Variants in CACNA2D1 observed in about 807,000 individuals in gnomAD.
The protein encoded by CACNA2D1 is calcium voltage-gated channel auxiliary subunit alpha2delta 1.
CACNA2D1 carries 53 observed loss-of-function variants against 171.5 expected under a neutral mutation model. The ratio of observed to expected loss-of-function variants is 0.31; its 90% CI spans 0.25 to 0.39. The LOEUF is 0.39. CACNA2D1 is among the 10% of genes least tolerant of loss of function. The pLI is 1.00. For missense variants in CACNA2D1, 903 were observed against 1,299.8 expected (o/e 0.69, Z 4.69); for synonymous variants, 442 against 443.1 (o/e 1.00, Z 0.03).
At chr7:82,100,334 A>C (rs1316175808) in intron 6 of CACNA2D1, among the ~76,000 whole-genome samples, 2 of 152,124 alleles carry the variant, frequency 1.3e-5, no homozygotes, top group Non-Finnish European at 2.9e-5. Context: ...TATTTCATAT[A>C]AAGTTTTTTA....
intron 7 of CACNA2D1, among the ~76,000 whole-genome samples, chr7:82,078,615 C>G (rs1420016344): frequency 2.0e-5 from 3 of 152,164 alleles, no homozygotes; most frequent in Admixed American, 6.5e-5. Flanking sequence ...ATGTCATGAG[C>G]TAGCTGTATG....
chr7:82,068,948 T>G (rs1807987996), intron 7 of CACNA2D1, among the ~76,000 whole-genome samples: 1 of 152,004 alleles, frequency 6.6e-6, no homozygotes, highest in Admixed American at 6.5e-5. Context: ...AGCCAGACTA[T>G]TACATTTTAA....
intron 2 of CACNA2D1, among the ~76,000 whole-genome samples, chr7:82,343,833 G>A (rs1194072016): frequency 2.6e-5 from 4 of 152,136 alleles, no homozygotes; most frequent in Non-Finnish European, 4.4e-5. Context: ...GGCTGAGTGA[G>A]CTGCCTGTTT....
At chr7:82,062,950 T>C (rs1807136748) in intron 9 of CACNA2D1, among the ~76,000 whole-genome samples, 1 of 151,916 alleles carries the variant, frequency 6.6e-6, no homozygotes. Flanking sequence ...TATTGCTTTG[T>C]TGCTCAGGCT....
intron 2 of CACNA2D1, among the ~76,000 whole-genome samples, chr7:82,341,208 T>A (rs2129444953): frequency 6.6e-6 from 1 of 152,314 alleles, no homozygotes; most frequent in Non-Finnish European, 1.5e-5. Flanking sequence ...CTTTCAAGGA[T>A]CAAAGTTCCC....
intron 3 of CACNA2D1, among the ~76,000 whole-genome samples, chr7:82,260,154 A>G (rs38563): frequency 0.75 from 113,269 of 152,028 alleles, 43,354 homozygotes; most frequent in African/African-American, 0.92. Context: ...CCCAGGAGGC[A>G]GAGGTTTCAC....
chr7:82,353,032 T>C (rs1820033507), intron 1 of CACNA2D1, among the ~76,000 whole-genome samples: 2 of 152,186 alleles, frequency 1.3e-5, no homozygotes, highest in African/African-American at 2.4e-5. Flanking sequence ...AAAAAGATCA[T>C]GTAAATGTAT....
chr7:82,031,535 C>T (rs1802698877), intron 12 of CACNA2D1, among the ~76,000 whole-genome samples: 1 of 151,840 alleles, frequency 6.6e-6, no homozygotes, highest in South Asian at 2.1e-4. Context: ...AAGATGTACC[C>T]TTAAACCTTA....
chr7:82,233,330 T>C (rs766348992), intron 3 of CACNA2D1, among the ~76,000 whole-genome samples: 68 of 152,292 alleles, frequency 4.5e-4, no homozygotes, highest in Middle Eastern at 3.4e-3. Flanking sequence ...TGAAAAACAG[T>C]ATACATACAG....
intron 3 of CACNA2D1, among the ~76,000 whole-genome samples, chr7:82,332,801 G>C (rs1303242862): frequency 6.6e-6 from 1 of 152,080 alleles, no homozygotes; most frequent in Admixed American, 6.6e-5. Context: ...GTAGTTAAAG[G>C]CTTGCCTGGG....
Position 82,105,238 on chromosome 7 carries a change from G to T in CACNA2D1, c.526+11806C>A, listed in dbSNP as rs1278135053. Among the ~76,000 whole-genome samples the T allele has an allele frequency of 7.2e-5, 11 of 151,948 alleles. No homozygotes were observed. The East Asian group carries it at 1.9e-3, about 27-fold the overall frequency. ...CTCATTTAAAATACTAAGAGAAAATGATTTTATATAATTTAAAACTTGGTT... is the reference window on the plus strand; with the variant it reads ...CTCATTTAAAATACTAAGAGAAAATTATTTTATATAATTTAAAACTTGGTT... On this transcript the variant is annotated intron_variant, in intron 6 of 38. Coordinates refer to ENST00000356860, the MANE Select transcript of CACNA2D1 (RefSeq NM_000722.4).
chr7:82,163,807 A>G (rs1407347998), intron 4 of CACNA2D1, among the ~76,000 whole-genome samples: 7 of 152,010 alleles, frequency 4.6e-5, no homozygotes, highest in African/African-American at 9.7e-5. Flanking sequence ...ATATCCATCA[A>G]GAGACTGTGC....
chr7:82,398,908 T>C (rs1826036773), intron 1 of CACNA2D1, among the ~76,000 whole-genome samples: 1 of 151,878 alleles, frequency 6.6e-6, no homozygotes, highest in East Asian at 1.9e-4. Flanking sequence ...TCCTTCCTTC[T>C]ACCCTTCTTT....
intron 1 of CACNA2D1, among the ~76,000 whole-genome samples, chr7:82,365,942 G>A (rs1285811531): frequency 6.6e-6 from 1 of 152,106 alleles, no homozygotes; most frequent in Non-Finnish European, 1.5e-5. Flanking sequence ...GGTCTTTGTT[G>A]TTCTCTATCA....
intron 1 of CACNA2D1, among the ~76,000 whole-genome samples, chr7:82,408,957 G>A (rs1030747727): frequency 2.0e-5 from 3 of 151,818 alleles, no homozygotes; most frequent in Non-Finnish European, 4.4e-5. Context: ...CCAACAACAC[G>A]GTTAACTTCA....
At chr7:82,194,110 T>G (rs1395736611) in intron 3 of CACNA2D1, among the ~76,000 whole-genome samples, 4 of 152,024 alleles carry the variant, frequency 2.6e-5, no homozygotes, top group Non-Finnish European at 2.9e-5. Flanking sequence ...AGAGTAAGAT[T>G]TCAAAGTAGC....
chr7:81,996,989 T>G (rs1246913616), intron 19 of CACNA2D1, among the ~76,000 whole-genome samples, 190 bp downstream of exon 19: 1 of 152,162 alleles, frequency 6.6e-6, no homozygotes, highest in African/African-American at 2.4e-5. Context: ...CATTTATTCC[T>G]TTTCATATGA....
intron 5 of CACNA2D1, among the ~76,000 whole-genome samples, chr7:82,131,103 C>T (rs2082176761): frequency 6.6e-6 from 1 of 152,060 alleles, no homozygotes; most frequent in Admixed American, 6.5e-5. Context: ...CGCCGGCCAG[C>T]TCTTATAAAC....
At chr7:82,255,231 C>T (rs1165601803) in intron 3 of CACNA2D1, among the ~76,000 whole-genome samples, 1 of 152,130 alleles carries the variant, frequency 6.6e-6, no homozygotes, top group East Asian at 1.9e-4. Flanking sequence ...CACTAAACTG[C>T]CCCTTCCCTC....
Sources: allele counts gnomAD v4.1 joint callset (sites outside exome capture counted in the v4.1 genomes callset), GRCh38; gene constraint gnomAD v4.1.1; transcripts MANE v1.5; gene names NCBI Gene and HGNC (gene_info 2026-07-23, HGNC 2026-07-21).